Variants in UGT1A7 observed in about 807,000 individuals in gnomAD.
The protein encoded by UGT1A7 is UDP-glucuronosyltransferase 1A7.
In UGT1A7, 33 loss-of-function variants were observed where a neutral mutation model predicts 45.6. The observed-to-expected ratio is 0.72, with a 90% confidence interval of 0.55 to 0.97. The LOEUF (loss-of-function observed/expected upper bound fraction) is 0.97, where lower values mean the gene tolerates loss of function less well. Ranked by LOEUF, UGT1A7 falls within the 50% of genes least tolerant of loss-of-function variation. The probability of loss-of-function intolerance (pLI) is 0.00; values close to 1 mark genes in which losing one functional copy is unlikely to be tolerated. For synonymous variants in UGT1A7, 274 were observed against 250.6 expected (o/e 1.09, Z -0.88); for missense variants, 684 against 666.2 (o/e 1.03, Z -0.29).
chr2:233,703,753 TA>T (rs1452282622), intron 1 of UGT1A7, among the ~76,000 whole-genome samples: 1 of 152,214 alleles, frequency 6.6e-6, no homozygotes. Context: ...ATCTCAAATG[TA>T]TCTTCTGCAG....
chr2:233,763,409 T>C (rs1698304893), intron 1 of UGT1A7, among the ~76,000 whole-genome samples: 1 of 152,246 alleles, frequency 6.6e-6, no homozygotes, highest in Admixed American at 6.5e-5. Flanking sequence ...ACTGGTATTT[T>C]TAATCCAGTC....
chr2:233,689,700 TC>T (rs979532238), intron 1 of UGT1A7, among the ~76,000 whole-genome samples: 4 of 152,142 alleles, frequency 2.6e-5, no homozygotes, highest in African/African-American at 9.7e-5. Flanking sequence ...AGTCGTTATT[TC>T]CCCTTATCTG....
At chr2:233,738,036 C>T (rs28899194) in intron 1 of UGT1A7, among the ~76,000 whole-genome samples, 5,195 of 152,206 alleles carry the variant, frequency 0.034, 100 homozygotes, top group African/African-American at 0.051. Context: ...ATAATCCCCA[C>T]GTGTTGAGGA....
At chr2:233,686,522 G>T (rs757832173) in intron 1 of UGT1A7, among the ~76,000 whole-genome samples, 1 of 152,052 alleles carries the variant, frequency 6.6e-6, no homozygotes, top group Non-Finnish European at 1.5e-5. Flanking sequence ...CTCCACCTGC[G>T]TTAGAACCTA....
intron 1 of UGT1A7, chr2:233,712,908 G>A: frequency 2.5e-6 from 4 of 1,610,644 alleles, no homozygotes; most frequent in Non-Finnish European, 3.4e-6. Flanking sequence ...AGGTGTCTCA[G>A]TGACAAGGTA....
intron 1 of UGT1A7, among the ~76,000 whole-genome samples, chr2:233,751,045 G>GA (rs1443230816): frequency 1.3e-5 from 2 of 152,004 alleles, no homozygotes; most frequent in East Asian, 3.9e-4. Flanking sequence ...TGTGTGCCTG[G>GA]AAAAGACACA....
At chr2:233,718,604 T>G (rs1205248797) in intron 1 of UGT1A7, among the ~76,000 whole-genome samples, 1 of 152,226 alleles carries the variant, frequency 6.6e-6, no homozygotes, top group East Asian at 1.9e-4. Flanking sequence ...CAGATGAGCT[T>G]TTCAAGATAG....
At chr2:233,686,962 G>A (rs1223921259) in intron 1 of UGT1A7, among the ~76,000 whole-genome samples, 1 of 152,160 alleles carries the variant, frequency 6.6e-6, no homozygotes, top group Non-Finnish European at 1.5e-5. Context: ...TAATTAATTA[G>A]CAAGGCAGGG....
At chr2:233,720,570 T>C (rs1325667267) in intron 1 of UGT1A7, among the ~76,000 whole-genome samples, 1 of 152,076 alleles carries the variant, frequency 6.6e-6, no homozygotes, top group Non-Finnish European at 1.5e-5. Flanking sequence ...GGATCTATTC[T>C]TTTTCCAAAA....
chr2:233,744,908 A>T (rs1314296999), intron 1 of UGT1A7, among the ~76,000 whole-genome samples: 1 of 151,834 alleles, frequency 6.6e-6, no homozygotes, highest in African/African-American at 2.4e-5. Flanking sequence ...CAAAATCTAG[A>T]TGCTCAAGCT....
chr2:233,713,619 AG>A (rs2076334398), intron 1 of UGT1A7: 1 of 1,613,856 alleles, frequency 6.2e-7, no homozygotes, highest in African/African-American at 1.3e-5. Flanking sequence ...ATTCCTGCAA[AG>A]GGTCAAGAAC....
rs770923488 is a variant in UGT1A7 at position 233,692,986 on chromosome 2, T to G, written c.855+10194T>G. On this transcript the variant is annotated intron_variant, in intron 1 of 4. Coordinates refer to ENST00000373426, the MANE Select transcript of UGT1A7 (RefSeq NM_019077.3). ...AGTGAAAACTCTTTATTACCGTTGT[T>G]ACTTTAACTCTTTCCAGGATGGCCT... 4 of 1,613,542 alleles carry G rather than the reference T, an allele frequency of 2.5e-6. No homozygotes were observed. In the East Asian group the frequency reaches 8.9e-5, roughly 36 times the overall value.
intron 1 of UGT1A7, chr2:233,691,671 G>A (rs1305895934): frequency 1.7e-5 from 17 of 975,742 alleles, no homozygotes; most frequent in Non-Finnish European, 2.1e-5. Context: ...CTGGGCCTCA[G>A]TTGAGAAACC....
intron 1 of UGT1A7, chr2:233,741,756 G>A (rs1189560156): frequency 1.3e-5 from 2 of 151,848 alleles, no homozygotes; most frequent in Non-Finnish European, 2.9e-5. Context: ...GTTGGTTAAT[G>A]ATGTGTTCAG....
intron 1 of UGT1A7, among the ~76,000 whole-genome samples, chr2:233,732,436 G>A (rs987831872): frequency 2.6e-5 from 4 of 152,194 alleles, no homozygotes; most frequent in Non-Finnish European, 4.4e-5. Flanking sequence ...GATTTTTATG[G>A]TTTTAGGTCT....
At chr2:233,696,873 C>A (rs993552389) in intron 1 of UGT1A7, among the ~76,000 whole-genome samples, 1 of 152,154 alleles carries the variant, frequency 6.6e-6, no homozygotes, top group African/African-American at 2.4e-5. Flanking sequence ...TCAGCATCTA[C>A]AACATATGAG....
chr2:233,701,262 ATT>A (rs924256698), intron 1 of UGT1A7, among the ~76,000 whole-genome samples: 1 of 152,120 alleles, frequency 6.6e-6, no homozygotes, highest in African/African-American at 2.4e-5. Flanking sequence ...GTCAAATGGT[ATT>A]TCTAGTTCTA....
At chr2:233,693,889 A>T (rs1290014907) in intron 1 of UGT1A7, 8 of 1,613,866 alleles carry the variant, frequency 5.0e-6, no homozygotes, top group African/African-American at 1.3e-5. Context: ...TTTCTTTTGG[A>T]CTGCCTTGTT....
chr2:233,702,473 C>A (rs550739949), intron 1 of UGT1A7, among the ~76,000 whole-genome samples: 2 of 152,066 alleles, frequency 1.3e-5, no homozygotes, highest in South Asian at 2.1e-4. Flanking sequence ...ATCTAATTGC[C>A]CTGGCTTGAA....
Sources: allele counts gnomAD v4.1 joint callset (sites outside exome capture counted in the v4.1 genomes callset), GRCh38; gene constraint gnomAD v4.1.1; transcripts MANE v1.5; gene names NCBI Gene and HGNC (gene_info 2026-07-23, HGNC 2026-07-21).